Variants in TTN observed in about 807,000 individuals in gnomAD.
The protein encoded by TTN is connectin.
A neutral mutation model predicts 3,223.0 loss-of-function variants in TTN; 1,525 were observed. The ratio of observed to expected loss-of-function variants is 0.47; its 90% confidence interval spans 0.45 to 0.49. The LOEUF (loss-of-function observed/expected upper bound fraction) is 0.49. TTN is among the 20% of genes least tolerant of loss of function. The pLI is 0.00. For missense variants in TTN, 40,786 were observed against 43,424.0 expected, an observed-to-expected ratio of 0.94 and a Z score of 5.40; for synonymous variants, 14,094 against 15,161.0, an observed-to-expected ratio of 0.93 and a Z score of 5.17.
In TTN at chr2:178,622,694, A is replaced by G; in HGVS notation, c.44889T>C (p.Cys14963=). The change falls in exon 243 of 363, where the codon TGT becomes TGC. Residue 14963 remains cysteine (C), a synonymous_variant. Coordinates refer to ENST00000589042, the MANE Select transcript of TTN (RefSeq NM_001267550.2). ...CCTTAGCATTTTCTCGGGAAAGTTC[A>G]CACTCAAATCGAGCCATTTCTTTTT... The part of the protein sequence containing the change: ...VREKEMARFE[C]ELSRENAKVK... 6.2e-7 allele frequency: 1 copy of G among 1,607,158 alleles called. No individual in the cohort carries two copies. The highest frequency in any genetic ancestry group is 8.5e-7 in the Non-Finnish European group (1 of 1,176,684).
In TTN at chr2:178,548,999, C is replaced by T; in HGVS notation, c.92627G>A (p.Cys30876Tyr). 1 of 1,613,908 alleles carries T rather than the reference C, an allele frequency of 6.2e-7. No individual in the cohort carries two copies. The highest frequency in any genetic ancestry group is 8.5e-7 in the Non-Finnish European group (1 of 1,179,838). The change falls in exon 339 of 363, where the codon TGT (cysteine) becomes TAT (tyrosine). Residue 30876 changes from cysteine (C) to tyrosine (Y), a missense_variant. Cys to Tyr is a radical substitution (Grantham distance 194, BLOSUM62 -2). Coordinates refer to ENST00000589042, the MANE Select transcript of TTN (RefSeq NM_001267550.2). This position sits in a 1 kb window ranked among gnomAD's most constrained non-coding sequence, Gnocchi z 4.3. ...AGTGACTGTATATCTTGTTTTCACACATGCCTCTGCATTCACCTTGTGCCA... is the reference window on the plus strand; with the variant it reads ...AGTGACTGTATATCTTGTTTTCACATATGCCTCTGCATTCACCTTGTGCCA... ...GDWHKVNAEA[C>Y]VKTRYTVTDL... is the part of the protein sequence containing the mutation.
At position 178,730,666 on chromosome 2, in the gene TTN, T is replaced by A. The variant is rs1322586586; in HGVS notation, c.17867A>T (p.Asp5956Val). 1 of 1,613,716 alleles carries A rather than the reference T, an allele frequency of 6.2e-7. No individual in the cohort carries two copies. The highest frequency in any genetic ancestry group is 1.7e-5 in the Admixed American group (1 of 59,994). ...CTTTTCACTAGCTGATATTTCTTGG[T>A]CATCTTTGAACCACTGGATGCTTAT... ...HPISIQWFKDDQEISASEKYK... is the reference protein window; with the variant it reads ...HPISIQWFKDVQEISASEKYK... Residue 5956 changes from aspartate to valine, a missense_variant, in exon 61 of 363, where the codon GAC becomes GTC. Coordinates refer to ENST00000589042, the MANE Select transcript of TTN (RefSeq NM_001267550.2).
chr2:178,755,446 C>CT lies in TTN; in HGVS notation c.11254+775dup, dbSNP rs573390557. ...GCCCAATTTTCAATTTTCTATTTTT[C>CT]TTTTTTGGAGATGGAGTCTAGTTCT... On this transcript the variant is annotated intron_variant, in intron 46 of 362. Coordinates refer to ENST00000589042, the MANE Select transcript of TTN (RefSeq NM_001267550.2). 3.9e-4 allele frequency among the ~76,000 whole-genome samples: 60 copies of CT among 152,074 alleles called. 1 individual carries two copies. In the South Asian group the frequency reaches 0.012, roughly 30 times the overall value.
Position 178,550,284 on chromosome 2 carries a change from A to G in TTN, c.91565-11T>C. The G allele has an allele frequency of 6.3e-7, 1 of 1,598,814 alleles. No homozygotes were observed. Among genetic ancestry groups the G allele is most frequent in the Non-Finnish European group, 8.5e-7 (1 of 1,172,482 alleles). On this transcript the variant is annotated splice_polypyrimidine_tract_variant and intron_variant, in intron 336 of 362. Transcript: ENST00000589042. The stretch of plus-strand genomic sequence containing the variant: ...CTACTATTGGTGGAACTATAAAAGA[A>G]AGAGAAATACTATGTATTAGTTTGG...
chr2:178,629,594 G>A (rs1369824181), intron 239 of TTN, among the ~76,000 whole-genome samples, 151 bp from the exon 240 acceptor site: 2 of 152,156 alleles, frequency 1.3e-5, no homozygotes, highest in Admixed American at 6.5e-5. Flanking sequence ...GTGGCCCCAC[G>A]GCGCTGAGAA....
chr2:178,640,144 C>T, intron 221 of TTN, 34 bp from the exon 222 acceptor site: 1 of 1,597,008 alleles, frequency 6.3e-7, no homozygotes, highest in Non-Finnish European at 8.5e-7. Flanking sequence ...CAGATTATTA[C>T]AGGATTTTTG....
At chr2:178,633,136 C>T (rs1372346884) in intron 233 of TTN, 51 bp downstream of exon 233, 1 of 1,602,092 alleles carries the variant, frequency 6.2e-7, no homozygotes, top group East Asian at 2.3e-5. Context: ...TTTTTTCACC[C>T]TACACAACCA....
intron 43 of TTN, among the ~76,000 whole-genome samples, chr2:178,761,195 C>T (rs1298172229): frequency 6.6e-6 from 1 of 152,016 alleles, no homozygotes; most frequent in Non-Finnish European, 1.5e-5. Context: ...CTCATCCACG[C>T]TCTCCAGGCC....
At chr2:178,541,919 C>G in intron 349 of TTN, 1 of 243,974 alleles carries the variant, frequency 4.1e-6, no homozygotes, top group Non-Finnish European at 7.8e-6. Context: ...AGCATGCACT[C>G]TGTATTTTTT....
rs766666232 is a variant in TTN, at chr2:178,678,459, CCTT to C, written c.33862_33864del (p.Lys11288del). On this transcript the variant is annotated inframe_deletion, in exon 144 of 363. Coordinates refer to ENST00000589042, the MANE Select transcript of TTN (RefSeq NM_001267550.2). ...ACTTTCTTAGGAGCAGGAACTGGCACCTTCTTCTCAGGCACAGGCTTCTTGGGT... is the reference window on the plus strand; with the variant it reads ...ACTTTCTTAGGAGCAGGAACTGGCACCTTCTCAGGCACAGGCTTCTTGGGT... 11 of 1,595,432 alleles carry C rather than the reference CCTT, an allele frequency of 6.9e-6. No individual in the cohort carries two copies. The South Asian group carries it at 8.0e-5, about 12-fold the overall frequency.
chr2:178,803,079 C>T (rs3769858), intron 2 of TTN, among the ~76,000 whole-genome samples: 48,263 of 151,940 alleles, frequency 0.32, 8,702 homozygotes, highest in Middle Eastern at 0.44. Context: ...TGAGAATGTA[C>T]GAGGCACATT....
intron 6 of TTN, among the ~76,000 whole-genome samples, chr2:178,796,465 C>G (rs572506915): frequency 6.6e-6 from 1 of 152,040 alleles, no homozygotes; most frequent in Non-Finnish European, 1.5e-5. Flanking sequence ...ACCAGTTTCA[C>G]GAAGAAATGT....
At chr2:178,753,068 G>T (rs2086000616) in intron 47 of TTN, 56 bp downstream of exon 47, 1 of 1,455,874 alleles carries the variant, frequency 6.9e-7, no homozygotes, top group Non-Finnish European at 9.6e-7. Context: ...GCAACTCAAG[G>T]ATCCTATTAA....
At chr2:178,615,561 T>G (rs1321284484) in intron 258 of TTN, 77 bp from the exon 259 acceptor site, 1 of 1,609,140 alleles carries the variant, frequency 6.2e-7, no homozygotes, top group Non-Finnish European at 8.5e-7. Flanking sequence ...ACCCCTGCCT[T>G]GCCCCATAAC....
At chr2:178,730,882 G>A (rs374459731) in intron 60 of TTN, 43 bp downstream of exon 60, 2 of 1,537,710 alleles carry the variant, frequency 1.3e-6, no homozygotes, top group African/African-American at 2.8e-5. Flanking sequence ...GGAAGAAGGA[G>A]CATGGAAATG....
In TTN at chr2:178,597,771, A is replaced by T. The variant is rs776210519; in HGVS notation, c.57311T>A (p.Val19104Asp). ...GATTCGGATCACCCCTCCAGCATGG[A>T]CAACAATTCTATCTCTGACACTGGC... ...LDASVRDRIV[V>D]HAGGVIRIIA... is the part of the protein sequence containing the mutation. Residue 19104 changes from valine to aspartate, a missense_variant, in exon 294 of 363, where the codon GTC becomes GAC. Physicochemically the swap from Val to Asp is radical, Grantham distance 152. Transcript: ENST00000589042. The T allele has an allele frequency of 6.2e-7, 1 of 1,613,228 alleles. No homozygotes were observed. Among genetic ancestry groups the T allele is most frequent in the Admixed American group, 1.7e-5 (1 of 59,952 alleles).
In TTN at chr2:178,635,896, G is replaced by A. The variant is rs186798483; in HGVS notation, c.41608+67C>T. On this transcript the variant is annotated intron_variant, in intron 226 of 362. Transcript: ENST00000589042. Reference sequence around the variant, plus strand: ...TTCTGATATTGTAATACTGGGAAACGAGGTCCTTTCTTCCATTTTCTTAGT... The same window carrying A: ...TTCTGATATTGTAATACTGGGAAACAAGGTCCTTTCTTCCATTTTCTTAGT... 67 of 1,531,656 alleles carry A rather than the reference G, an allele frequency of 4.4e-5. No individual in the cohort carries two copies. The African/African-American group carries it at 7.0e-4, about 16-fold the overall frequency. The allele number at this position is 1,531,656 out of a possible 1,614,324, so 94.9% of individuals were successfully genotyped here.
At chr2:178,803,452 A>G (rs2094162336) in intron 2 of TTN, among the ~76,000 whole-genome samples, 1 of 151,930 alleles carries the variant, frequency 6.6e-6, no homozygotes, top group African/African-American at 2.4e-5. Flanking sequence ...CTTATTTTCT[A>G]TTGTACATAT....
chr2:178,720,189 A>G lies in TTN; in HGVS notation c.23453T>C (p.Val7818Ala). The G allele has an allele frequency of 6.2e-7, 1 of 1,613,740 alleles. No homozygotes were observed. The highest frequency in any genetic ancestry group is 8.5e-7 in the Non-Finnish European group (1 of 1,179,718). ...IGDAVELRAI[V>A]EGFQPISVVW... ...AACAGAAATTGGCTGGAAGCCCTCC[A>G]CTATGGCCCGTAACTCAACAGCATC... The change falls in exon 81 of 363, where the codon GTG becomes GCG. Residue 7818 changes from valine to alanine, a missense_variant. By Grantham distance (64) the Val-to-Ala change is moderately conservative (BLOSUM62 0). Coordinates refer to ENST00000589042, the MANE Select transcript of TTN (RefSeq NM_001267550.2).
Sources: gnomAD v4.1 joint callset for allele counts (sites outside exome capture counted in the v4.1 genomes callset) on GRCh38, gnomAD v4.1.1 for gene constraint, Gnocchi (gnomAD v3.1) non-coding constraint, MANE v1.5 for transcripts, NCBI Gene and HGNC (gene_info 2026-07-23, HGNC 2026-07-21) for gene names.